CAPZB: variants seen among roughly 807,000 people sequenced by gnomAD.
CAPZB encodes F-actin-capping protein subunit beta.
In CAPZB, 2 loss-of-function variants were observed where a neutral mutation model predicts 38.1. That is an observed-to-expected ratio of 0.05 (90% CI 0.02 to 0.17). The LOEUF (loss-of-function observed/expected upper bound fraction) is 0.17. Among genes scored for constraint, CAPZB ranks in the 10% least tolerant of loss-of-function variants. The pLI, the probability that CAPZB is intolerant of heterozygous loss-of-function variation, is 1.00. For synonymous variants in CAPZB, 107 were observed against 127.4 expected, an observed-to-expected ratio of 0.84 and a Z score of 1.08; for missense variants, 161 against 334.2, an observed-to-expected ratio of 0.48 and a Z score of 4.04.
At chr1:19,424,036 T>A (rs1367451003) in intron 1 of CAPZB, among the ~76,000 whole-genome samples, 1 of 151,992 alleles carries the variant, frequency 6.6e-6, no homozygotes, top group Non-Finnish European at 1.5e-5. Flanking sequence ...GGTCTCAAAG[T>A]CCTGAGCTCA....
chr1:19,454,055 C>A (rs2094525409), intron 1 of CAPZB, among the ~76,000 whole-genome samples: 1 of 152,210 alleles, frequency 6.6e-6, no homozygotes, highest in Admixed American at 6.5e-5. Context: ...GACTCATCCC[C>A]CAGAGTGGCC....
rs1451533214 is a variant in CAPZB at position 19,366,285 on chromosome 1, T to TAA, written c.330-8723_330-8722insTT. On this transcript the variant is annotated intron_variant, in intron 4 of 8. Coordinates refer to ENST00000264202, the MANE Select transcript of CAPZB (RefSeq NM_004930.5). ...AACATAGTGAGACCGTGTCTTAAAA[T>TAA]ATATATATATATATATATATATATA... is the stretch of plus-strand genomic sequence containing the variant. Among the ~76,000 whole-genome samples, 247 of 57,552 alleles carry TAA rather than the reference T, an allele frequency of 4.3e-3. 1 individual carries two copies. Among genetic ancestry groups the TAA allele is most frequent in the Non-Finnish European group, 7.3e-3 (186 of 25,434 alleles). 37.8% of individuals were successfully genotyped at this position (57,552 alleles called of 152,430 possible).
chr1:19,395,361 C>A (rs1217775390), intron 2 of CAPZB, among the ~76,000 whole-genome samples: 8 of 152,160 alleles, frequency 5.3e-5, no homozygotes, highest in Non-Finnish European at 7.3e-5. Flanking sequence ...AACGGTAAGT[C>A]CCCTCCATCT....
intron 4 of CAPZB, among the ~76,000 whole-genome samples, chr1:19,359,057 TA>T (rs2094037727): frequency 6.6e-6 from 1 of 151,842 alleles, no homozygotes; most frequent in Admixed American, 6.6e-5. Flanking sequence ...CAAAAACAAT[TA>T]GGAAAAGTAG....
rs59390448 is a variant in CAPZB, at chr1:19,418,136, C to CAA, written c.93+1523_93+1524dup. ...GGGTGACAGAATGAGACTCTGTCAC[C>CAA]AAAAAAAAAAAAAAAAAAAAAAAAA... On this transcript the variant is annotated intron_variant, in intron 2 of 8. Coordinates refer to ENST00000264202, the MANE Select transcript of CAPZB (RefSeq NM_004930.5). 9.6e-3 allele frequency among the ~76,000 whole-genome samples: 339 copies of CAA among 35,332 alleles called. 61 individuals are homozygous for CAA. The highest frequency in any genetic ancestry group is 0.021 in the African/African-American group (202 of 9,684). 23.2% of individuals were successfully genotyped at this position (35,332 alleles called of 152,430 possible).
rs1442603727 is a variant in CAPZB at position 19,385,539 on chromosome 1, A to G, written c.181T>C (p.Leu61=). ...RDKVVGKDYL[L]CDYNRDGDSY... ...TCCCCATCTCTGTTGTAGTCACACAAAAGGTAATCCTTTCCCACCACCTTG... is the reference window on the plus strand; with the variant it reads ...TCCCCATCTCTGTTGTAGTCACACAGAAGGTAATCCTTTCCCACCACCTTG... Residue 61 remains leucine (L), a synonymous_variant, in exon 3 of 9, where the codon TTG becomes CTG. Coordinates refer to ENST00000264202, the MANE Select transcript of CAPZB (RefSeq NM_004930.5). The G allele has an allele frequency of 1.2e-6, 2 of 1,613,640 alleles. No homozygotes were observed. Among genetic ancestry groups the G allele is most frequent in the South Asian group, 2.2e-5 (2 of 91,068 alleles).
At chr1:19,352,904 C>G (rs1193457906) in intron 6 of CAPZB, among the ~76,000 whole-genome samples, 1 of 152,250 alleles carries the variant, frequency 6.6e-6, no homozygotes, top group Non-Finnish European at 1.5e-5. Context: ...AGGAGAGTGG[C>G]GCTCTGCCCC....
chr1:19,359,599 G>A (rs74056818), intron 4 of CAPZB, among the ~76,000 whole-genome samples: 2,667 of 152,268 alleles, frequency 0.018, 87 homozygotes, highest in African/African-American at 0.061. Flanking sequence ...GTCTACAGGA[G>A]GGCAGATGAG....
At chr1:19,432,056 A>AAAG (rs1553285008) in intron 1 of CAPZB, among the ~76,000 whole-genome samples, 28 of 86,034 alleles carry the variant, frequency 3.3e-4, no homozygotes, top group African/African-American at 7.9e-4. Context: ...AAAAAAAAAA[A>AAAG]AAAAAAAAAG....
At chr1:19,397,049 C>G (rs1014312070) in intron 2 of CAPZB, among the ~76,000 whole-genome samples, 1 of 151,596 alleles carries the variant, frequency 6.6e-6, no homozygotes, top group Non-Finnish European at 1.5e-5. Context: ...ACAAACATAA[C>G]TCATATATAA....
intron 1 of CAPZB, among the ~76,000 whole-genome samples, chr1:19,469,784 A>C (rs1324190612): frequency 6.7e-6 from 1 of 149,018 alleles, no homozygotes; most frequent in Non-Finnish European, 1.5e-5. Context: ...ACACACACAC[A>C]CGCCCGCCCA....
At chr1:19,401,966 G>A (rs2094305527) in intron 2 of CAPZB, among the ~76,000 whole-genome samples, 1 of 152,156 alleles carries the variant, frequency 6.6e-6, no homozygotes, top group African/African-American at 2.4e-5. Flanking sequence ...TTGGAGCACA[G>A]ACTCTTTAAA....
intron 1 of CAPZB, chr1:19,449,022 C>T: frequency 1.3e-6 from 2 of 1,524,606 alleles, no homozygotes; most frequent in Non-Finnish European, 1.8e-6. Flanking sequence ...AGGCTGCTCG[C>T]TGCCCGCTCC....
At chr1:19,362,237 G>A (rs1434126484) in intron 4 of CAPZB, among the ~76,000 whole-genome samples, 1 of 151,954 alleles carries the variant, frequency 6.6e-6, no homozygotes, top group Non-Finnish European at 1.5e-5. Flanking sequence ...AGGCTGGAGT[G>A]CTTTATTTTA....
rs765911036 is a variant in CAPZB, at chr1:19,345,235, A to G, written c.606T>C (p.Thr202=). 1.2e-6 allele frequency: 2 copies of G among 1,613,816 alleles called. No homozygotes were observed. Among genetic ancestry groups the G allele is most frequent in the Admixed American group, 3.3e-5 (2 of 60,020 alleles). ...SLTRQMEKDE[T]VSDCSPHIAN... The stretch of plus-strand genomic sequence containing the variant: ...CTATGTGTGGGGAGCAGTCACTCAC[A>G]GTTTCATCCTTCTCCATCTGCAAAA... Residue 202 remains threonine, a synonymous_variant, in exon 7 of 9, where the codon ACT becomes ACC. Transcript: ENST00000264202.
chr1:19,482,199 C>T (rs373928900), intron 1 of CAPZB, among the ~76,000 whole-genome samples: 6 of 152,336 alleles, frequency 3.9e-5, no homozygotes, highest in African/African-American at 7.2e-5. Context: ...TTCAAAGACA[C>T]GGCTTATCAT....
intron 6 of CAPZB, among the ~76,000 whole-genome samples, chr1:19,346,197 A>G (rs2093959495): frequency 6.6e-6 from 1 of 152,212 alleles, no homozygotes; most frequent in Admixed American, 6.5e-5. Flanking sequence ...CACTGAAAAC[A>G]GGAATACGCA....
At chr1:19,349,000 A>G (rs2093977543) in intron 6 of CAPZB, among the ~76,000 whole-genome samples, 1 of 152,084 alleles carries the variant, frequency 6.6e-6, no homozygotes, top group South Asian at 2.1e-4. Context: ...TCTCCATAAA[A>G]CAGGAGTAGT....
intron 2 of CAPZB, among the ~76,000 whole-genome samples, chr1:19,405,921 C>T (rs183742992): frequency 6.6e-6 from 1 of 152,364 alleles, no homozygotes; most frequent in East Asian, 1.9e-4. Context: ...TGCTCACACC[C>T]CCTCTCCTGT....
Sources: allele counts gnomAD v4.1 joint callset (sites outside exome capture counted in the v4.1 genomes callset), GRCh38; gene constraint gnomAD v4.1.1; transcripts MANE v1.5; gene names NCBI Gene and HGNC (gene_info 2026-07-23, HGNC 2026-07-21).